The following MED30 variants were observed in gnomAD, a reference collection of about 807,000 sequenced individuals.
The protein encoded by MED30 is mediator complex subunit 30.
MED30 carries 8 observed loss-of-function variants against 21.7 expected under a neutral mutation model. The observed-to-expected ratio is 0.37, with a 90% confidence interval of 0.22 to 0.67. The LOEUF (loss-of-function observed/expected upper bound fraction) is 0.67. MED30 is among the 30% of genes least tolerant of loss of function. The probability of loss-of-function intolerance (pLI) is 0.58; values close to 1 mark genes in which losing one functional copy is unlikely to be tolerated. For synonymous variants in MED30, 79 were observed against 86.7 expected, an observed-to-expected ratio of 0.91 and a Z score of 0.49; for missense variants, 203 against 228.2, an observed-to-expected ratio of 0.89 and a Z score of 0.71.
At chr8:117,539,627 GGTGGAA>G (rs1161822591) in intron 3 of MED30, among the ~76,000 whole-genome samples, 2 of 152,180 alleles carry the variant, frequency 1.3e-5, no homozygotes, top group African/African-American at 4.8e-5. Flanking sequence ...ATTTGTTTAT[GGTGGAA>G]GTGGAAGAGT....
At chr8:117,523,439 C>T in intron 1 of MED30, 1 of 1,572,766 alleles carries the variant, frequency 6.4e-7, no homozygotes. Context: ...CCCTCCAGAC[C>T]TTTAGGCTGA....
chr8:117,521,497 T>C (rs1818619669), intron 1 of MED30, among the ~76,000 whole-genome samples: 1 of 152,208 alleles, frequency 6.6e-6, no homozygotes, highest in Non-Finnish European at 1.5e-5. Context: ...AAAGTTTTGA[T>C]ATATATGTGT....
rs186931208 is a variant in MED30, at chr8:117,525,230, A to G, written c.178-3421A>G. ...TGATCACTTGATAGGTGAAAATTCT[A>G]CTTTACATTTCTCCTAGTTTGACTG... On this transcript the variant is annotated intron_variant, in intron 1 of 3. Coordinates refer to ENST00000297347, the MANE Select transcript of MED30 (RefSeq NM_080651.4). 5.0e-3 allele frequency among the ~76,000 whole-genome samples: 764 copies of G among 152,206 alleles called. 6 individuals carry two copies. Among genetic ancestry groups the G allele is most frequent in the African/African-American group, 0.017 (708 of 41,536 alleles).
At chr8:117,523,698 A>G (rs1303261005) in intron 1 of MED30, 7 of 1,563,394 alleles carry the variant, frequency 4.5e-6, no homozygotes, top group Non-Finnish European at 6.1e-6. Context: ...CTTGGCCACC[A>G]TGATTCCCTC....
At chr8:117,533,625 T>TTTAA (rs55897245) in intron 3 of MED30, among the ~76,000 whole-genome samples, 49,925 of 151,872 alleles carry the variant, frequency 0.33, 8,647 homozygotes, top group Middle Eastern at 0.47. Flanking sequence ...TTCTTACCTC[T>TTTAA]TTAATTTTCT....
At chr8:117,538,412 C>T (rs1184418593) in intron 3 of MED30, among the ~76,000 whole-genome samples, 2 of 152,080 alleles carry the variant, frequency 1.3e-5, no homozygotes, top group Non-Finnish European at 2.9e-5. Context: ...GTTTCTTGGT[C>T]TTTCCTTTTA....
intron 3 of MED30, among the ~76,000 whole-genome samples, chr8:117,531,997 A>T (rs1818798596): frequency 6.6e-6 from 1 of 152,034 alleles, no homozygotes; most frequent in Non-Finnish European, 1.5e-5. Flanking sequence ...AATGCTGTAA[A>T]CCTATTAGAT....
intron 2 of MED30, among the ~76,000 whole-genome samples, chr8:117,529,456 G>A (rs560043871): frequency 3.3e-5 from 5 of 151,966 alleles, no homozygotes; most frequent in African/African-American, 7.2e-5. Context: ...GGCCTACATC[G>A]TCAGATGCTA....
At chr8:117,525,457 T>C (rs1057034326) in intron 1 of MED30, among the ~76,000 whole-genome samples, 1 of 152,084 alleles carries the variant, frequency 6.6e-6, no homozygotes, top group Non-Finnish European at 1.5e-5. Context: ...CCCTGTCTTT[T>C]ACCTTTTGGC....
At chr8:117,530,561 G>T in intron 2 of MED30, 162 bp from the exon 3 acceptor site, 1 of 516,736 alleles carries the variant, frequency 1.9e-6, no homozygotes, top group South Asian at 3.3e-5. Context: ...CATTGAAATG[G>T]TCAACTATTA....
At chr8:117,525,144 T>G (rs551841022) in intron 1 of MED30, among the ~76,000 whole-genome samples, 3 of 151,846 alleles carry the variant, frequency 2.0e-5, no homozygotes, top group Non-Finnish European at 2.9e-5. Context: ...TCCACAGAGA[T>G]TGAACTAATT....
At chr8:117,521,124 G>T in intron 1 of MED30, 71 bp downstream of exon 1, 3 of 1,428,052 alleles carry the variant, frequency 2.1e-6, no homozygotes, top group Middle Eastern at 1.8e-4. Flanking sequence ...TCCTCTTTAC[G>T]TGGGGCCCGT....
chr8:117,528,698 AACAAAGCT>A lies in MED30; in HGVS notation c.229_236del (p.Lys77GlyfsTer2), dbSNP rs771417117. The A allele has an allele frequency of 6.2e-7, 1 of 1,609,238 alleles. No homozygotes were observed. The highest frequency in any genetic ancestry group is 2.2e-5 in the East Asian group (1 of 44,568). Reference sequence around the variant, plus strand: ...ACACTGGAACATATCAAGACCGGTTAACAAAGCTACAGGATAATCTTCGCCAACTTTCA... The same window carrying A: ...ACACTGGAACATATCAAGACCGGTTAACAGGATAATCTTCGCCAACTTTCA... On this transcript the variant is annotated frameshift_variant, in exon 2 of 4. Coordinates refer to ENST00000297347, the MANE Select transcript of MED30 (RefSeq NM_080651.4). LOFTEE classifies it high-confidence loss of function.
intron 3 of MED30, among the ~76,000 whole-genome samples, chr8:117,537,676 C>T (rs1422832530): frequency 6.6e-6 from 1 of 152,008 alleles, no homozygotes; most frequent in Non-Finnish European, 1.5e-5. Context: ...TGTATATTTC[C>T]AAATGAGGAT....
chr8:117,521,293 T>C (rs1818614267), intron 1 of MED30, among the ~76,000 whole-genome samples: 1 of 152,204 alleles, frequency 6.6e-6, no homozygotes, highest in Non-Finnish European at 1.5e-5. Context: ...TCGAGCTCTT[T>C]AGTTACTCTG....
In MED30 at chr8:117,540,214, G is replaced by C. The variant is rs1178309765; in HGVS notation, c.*236G>C. ...GTATTTTGGTTAATCTTCATGAATTGAATAATTGTTTTTTTAAAGCAAAAT... is the reference window on the plus strand; with the variant it reads ...GTATTTTGGTTAATCTTCATGAATTCAATAATTGTTTTTTTAAAGCAAAAT... On this transcript the variant is annotated 3_prime_UTR_variant, in exon 4 of 4. Coordinates refer to ENST00000297347, the MANE Select transcript of MED30 (RefSeq NM_080651.4). 4.0e-6 allele frequency: 1 copy of C among 252,690 alleles called. No homozygotes were observed. Among genetic ancestry groups the C allele is most frequent in the African/African-American group, 2.3e-5 (1 of 44,318 alleles). The allele number at this position is 252,690 out of a possible 1,614,324, so 15.7% of individuals were successfully genotyped here.
intron 1 of MED30, among the ~76,000 whole-genome samples, chr8:117,522,718 A>G (rs1209434896): frequency 6.6e-6 from 1 of 150,754 alleles, no homozygotes; most frequent in East Asian, 1.9e-4. Context: ...TTTTAAGACC[A>G]TGTGAAATAT....
At chr8:117,525,450 T>C (rs10111328) in intron 1 of MED30, among the ~76,000 whole-genome samples, 83,884 of 151,392 alleles carry the variant, frequency 0.55, 23,610 homozygotes, top group Middle Eastern at 0.6. Context: ...TTTTTTTCCC[T>C]GTCTTTTACC....
chr8:117,530,888 C>G, intron 3 of MED30, 61 bp downstream of exon 3: 3 of 1,095,850 alleles, frequency 2.7e-6, no homozygotes, highest in Non-Finnish European at 4.0e-6. Context: ...ACTAGGGAGT[C>G]TGATGTAACT....
Sources: allele counts gnomAD v4.1 joint callset (sites outside exome capture counted in the v4.1 genomes callset), GRCh38; gene constraint gnomAD v4.1.1; transcripts MANE v1.5; gene names NCBI Gene and HGNC (gene_info 2026-07-23, HGNC 2026-07-21).